Variants in MGAT4C observed in about 807,000 individuals in gnomAD.
MGAT4C encodes the protein MGAT4 family member C, also known as alpha-1,3-mannosyl-glycoprotein 4-beta-N-acetylglucosaminyltransferase C.
Under a neutral mutation model 40.1 loss-of-function variants are expected in MGAT4C, and 19 were observed. The ratio of observed to expected loss-of-function variants is 0.47; its 90% CI spans 0.33 to 0.70. The LOEUF (loss-of-function observed/expected upper bound fraction) is 0.70, where lower values mean the gene tolerates loss of function less well. Among genes scored for constraint, MGAT4C ranks in the 30% least tolerant of loss-of-function variants. The pLI is 0.02. For missense variants in MGAT4C, 491 were observed against 563.2 expected (o/e 0.87, Z 1.30); for synonymous variants, 181 against 187.1 (o/e 0.97, Z 0.27).
chr12:86,078,864 A>G (rs919104814), intron 1 of MGAT4C, among the ~76,000 whole-genome samples: 3 of 152,228 alleles, frequency 2.0e-5, no homozygotes, highest in Non-Finnish European at 4.4e-5. Context: ...CCCATTGAGG[A>G]GCACTCTCAT....
chr12:86,800,666 C>A (rs3924288), intron 1 of MGAT4C, among the ~76,000 whole-genome samples: 80,317 of 151,564 alleles, frequency 0.53, 21,867 homozygotes, highest in Middle Eastern at 0.65. Flanking sequence ...ATAATAACTA[C>A]GTTTAACCAT....
chr12:86,036,248 T>C (rs1197198003), intron 2 of MGAT4C, among the ~76,000 whole-genome samples: 2 of 150,134 alleles, frequency 1.3e-5, no homozygotes, highest in Non-Finnish European at 1.5e-5. Context: ...TATACAATCA[T>C]GTCATCTGCA....
chr12:86,234,941 G>A (rs185281172), intron 1 of MGAT4C, among the ~76,000 whole-genome samples: 10 of 151,848 alleles, frequency 6.6e-5, no homozygotes, highest in Admixed American at 2.6e-4. Flanking sequence ...TTCTTATTAC[G>A]TCTCTTTTAG....
At chr12:86,139,057 T>C (rs1289356479) in intron 1 of MGAT4C, among the ~76,000 whole-genome samples, 3 of 152,166 alleles carry the variant, frequency 2.0e-5, no homozygotes, top group Admixed American at 2.0e-4. Flanking sequence ...CTCCATCTTG[T>C]TTGCCTCACC....
intron 1 of MGAT4C, among the ~76,000 whole-genome samples, chr12:86,832,735 C>T (rs1952956357): frequency 6.6e-6 from 1 of 151,714 alleles, no homozygotes; most frequent in African/African-American, 2.4e-5. Context: ...GATTCTGACC[C>T]AAACCTTAGC....
chr12:86,767,216 A>T (rs1951527238), intron 1 of MGAT4C, among the ~76,000 whole-genome samples: 1 of 152,204 alleles, frequency 6.6e-6, no homozygotes, highest in Admixed American at 6.5e-5. Context: ...ACAAACTACC[A>T]TCAGAGAATA....
At chr12:86,830,461 T>C (rs1292053052) in intron 1 of MGAT4C, among the ~76,000 whole-genome samples, 1 of 151,572 alleles carries the variant, frequency 6.6e-6, no homozygotes, top group African/African-American at 2.4e-5. Flanking sequence ...TGTGTACATA[T>C]GTGAAGATTT....
chr12:86,452,466 A>G (rs1013777001), intron 2 of MGAT4C, among the ~76,000 whole-genome samples: 5 of 150,886 alleles, frequency 3.3e-5, no homozygotes, highest in Admixed American at 1.3e-4. Context: ...TGTGACTGCC[A>G]GGTTCTCTGC....
chr12:86,496,561 T>A (rs908922529), intron 2 of MGAT4C, among the ~76,000 whole-genome samples: 1 of 151,222 alleles, frequency 6.6e-6, no homozygotes, highest in African/African-American at 2.4e-5. Context: ...TTAAAATATC[T>A]GTAAAAATGA....
intron 4 of MGAT4C, among the ~76,000 whole-genome samples, chr12:86,263,124 T>A (rs1240478146): frequency 6.6e-6 from 1 of 152,112 alleles, no homozygotes; most frequent in Non-Finnish European, 1.5e-5. Context: ...AATTGGTAGA[T>A]GAAACCAAAG....
intron 1 of MGAT4C, among the ~76,000 whole-genome samples, chr12:86,180,788 C>G (rs945466314): frequency 6.6e-6 from 1 of 152,160 alleles, no homozygotes; most frequent in African/African-American, 2.4e-5. Context: ...GATATTCAGG[C>G]TCATAGGCAG....
chr12:86,280,184 ATT>A (rs528621731), intron 4 of MGAT4C, among the ~76,000 whole-genome samples: 132 of 152,058 alleles, frequency 8.7e-4, no homozygotes, highest in African/African-American at 3.0e-3. Flanking sequence ...ATTAAGTTCA[ATT>A]TTTTTGTTGA....
At chr12:86,247,101 T>C (rs1220860842) in intron 1 of MGAT4C, among the ~76,000 whole-genome samples, 2 of 152,322 alleles carry the variant, frequency 1.3e-5, no homozygotes, top group Admixed American at 1.3e-4. Flanking sequence ...ACCATTAGGA[T>C]ACAATATTTT....
chr12:86,574,579 T>C (rs1466694367), intron 2 of MGAT4C, among the ~76,000 whole-genome samples: 1 of 151,806 alleles, frequency 6.6e-6, no homozygotes, highest in African/African-American at 2.4e-5. Context: ...GATGTTCATA[T>C]ATGGATGCAT....
chr12:86,285,513 C>A (rs1438232262), intron 4 of MGAT4C, among the ~76,000 whole-genome samples: 2 of 151,924 alleles, frequency 1.3e-5, no homozygotes, highest in African/African-American at 4.8e-5. Context: ...AATAATGATT[C>A]TGGGAGCTTT....
At chr12:86,158,331 A>C (rs370122713) in intron 1 of MGAT4C, among the ~76,000 whole-genome samples, 52 of 152,318 alleles carry the variant, frequency 3.4e-4, no homozygotes, top group African/African-American at 1.1e-3. Flanking sequence ...ACCATTTTTT[A>C]CCTTTTAGAG....
chr12:86,042,861 C>T (rs1472707418), intron 2 of MGAT4C, among the ~76,000 whole-genome samples: 3 of 92,142 alleles, frequency 3.3e-5, no homozygotes, highest in African/African-American at 1.2e-4. Context: ...GAGCAAGACT[C>T]TGTCTCAAAA....
chr12:86,292,660 C>T (rs4329741), intron 4 of MGAT4C, among the ~76,000 whole-genome samples: 130,464 of 152,142 alleles, frequency 0.86, 56,011 homozygotes, highest in East Asian at 0.95. Context: ...ACCCATATTG[C>T]GTTCCACGAA....
intron 1 of MGAT4C, among the ~76,000 whole-genome samples, chr12:86,164,551 T>A (rs2135810424): frequency 6.6e-6 from 1 of 152,278 alleles, no homozygotes; most frequent in East Asian, 1.9e-4. Context: ...GTCAAACTAT[T>A]CTAACTGGTA....
Sources: allele counts gnomAD v4.1 joint callset (sites outside exome capture counted in the v4.1 genomes callset), GRCh38; gene constraint gnomAD v4.1.1; transcripts MANE v1.5; gene names NCBI Gene and HGNC (gene_info 2026-07-23, HGNC 2026-07-21).